The following MEST variants were observed in gnomAD, a reference collection of about 807,000 sequenced individuals.
MEST encodes the protein mesoderm specific transcript.
A neutral mutation model predicts 50.9 loss-of-function variants in MEST; 18 were observed. That is an observed-to-expected ratio of 0.35 (90% confidence interval 0.24 to 0.52). The LOEUF is 0.52. Ranked by LOEUF, MEST falls within the 20% of genes least tolerant of loss-of-function variation. The pLI is 0.94. For synonymous variants in MEST, 130 were observed against 154.1 expected (o/e 0.84, Z 1.16); for missense variants, 282 against 425.3 (o/e 0.66, Z 2.96).
chr7:130,503,667 C>T (rs1317648055), intron 10 of MEST, among the ~76,000 whole-genome samples: 1 of 151,974 alleles, frequency 6.6e-6, no homozygotes, highest in African/African-American at 2.4e-5. Flanking sequence ...TAAAAGTTAG[C>T]CAAGTGTGGT....
Position 130,500,359 on chromosome 7 carries a change from C to A in MEST, c.577-103C>A. ...TGCCAAGTACCAAACCATTCAGTAG[C>A]AGGAGATTTGGCTAAAGATTTAGTT... On this transcript the variant is annotated intron_variant, in intron 7 of 11. Transcript: ENST00000223215. The surrounding 1 kb of genome is among the most constrained non-coding windows in gnomAD (Gnocchi z 5.0). 1 of 960,588 alleles carries A rather than the reference C, an allele frequency of 1.0e-6. No individual in the cohort carries two copies. The highest frequency in any genetic ancestry group is 1.6e-6 in the Non-Finnish European group (1 of 638,382). The allele number at this position is 960,588 out of a possible 1,614,324, so 59.5% of individuals were successfully genotyped here. A position where few individuals can be genotyped will look rare whatever the true frequency, so the allele number is the denominator to read the frequency against.
At chr7:130,486,431 G>C (rs1798622417) in intron 1 of MEST, 1 of 152,396 alleles carries the variant, frequency 6.6e-6, no homozygotes, top group Non-Finnish European at 1.5e-5. Flanking sequence ...GAGCCTCCCC[G>C]TGCACCCTCG....
chr7:130,498,362 C>A, intron 5 of MEST, 57 bp from the exon 6 acceptor site: 1 of 1,609,686 alleles, frequency 6.2e-7, no homozygotes, highest in African/African-American at 1.3e-5. Context: ...TCGTTTTCAG[C>A]GGTGCACTGG....
At chr7:130,499,833 T>C (rs782766554) in intron 6 of MEST, 42 bp from the exon 7 acceptor site, 3 of 1,499,960 alleles carry the variant, frequency 2.0e-6, no homozygotes, top group Non-Finnish European at 1.8e-6. Context: ...AAAAAAAAAA[T>C]TAAAGCTGTA....
Position 130,500,815 on chromosome 7 carries a change from C to T in MEST, c.674C>T (p.Thr225Ile). Residue 225 changes from threonine (T) to isoleucine (I), a missense_variant, in exon 9 of 12, where the codon ACT (threonine) becomes ATT (isoleucine). Physicochemically the swap from Thr to Ile is moderately conservative, Grantham distance 89. Transcript: ENST00000223215. This position sits in a 1 kb window ranked among gnomAD's most constrained non-coding sequence, Gnocchi z 5.0. ...CTCACCCCAGTCTTTGGGCCGTATA[C>T]TCGGCCCTCTGAGAGTGAGCTGTGG... Reference protein sequence around the residue: ...RGLTPVFGPYTRPSESELWDM... With the variant: ...RGLTPVFGPYIRPSESELWDM... 6.2e-7 allele frequency: 1 copy of T among 1,613,700 alleles called. No individual in the cohort carries two copies. Among genetic ancestry groups the T allele is most frequent in the Non-Finnish European group, 8.5e-7 (1 of 1,179,820 alleles).
Position 130,492,162 on chromosome 7 carries a change from G to A in MEST, c.-152G>A, listed in dbSNP as rs146617166. On this transcript the variant is annotated 5_prime_UTR_variant, in exon 1 of 12. Transcript: ENST00000223215. This position sits in a 1 kb window ranked among gnomAD's most constrained non-coding sequence, Gnocchi z 7.6. ...CAAGCGCAGTGCCGCAGCGCACGCCGGAGTGGCTGTAGCTGCCCGGCGCGG... is the reference window on the plus strand; with the variant it reads ...CAAGCGCAGTGCCGCAGCGCACGCCAGAGTGGCTGTAGCTGCCCGGCGCGG... The A allele has an allele frequency of 2.2e-3, 917 of 424,296 alleles. 14 individuals are homozygous for A. The highest frequency in any genetic ancestry group is 0.018 in the African/African-American group (835 of 47,460). The allele number at this position is 424,296 out of a possible 1,614,324, so 26.3% of individuals were successfully genotyped here.
chr7:130,492,490 C>G lies in MEST; in HGVS notation c.26+151C>G. ...GGCACGCATTCCGCGCCCGCTCTGC[C>G]TACTTGAGGAGGGGGTGTCACTCCT... On this transcript the variant is annotated intron_variant, in intron 1 of 11. Transcript: ENST00000223215. This position sits in a 1 kb window ranked among gnomAD's most constrained non-coding sequence, Gnocchi z 7.6. The G allele has an allele frequency of 3.6e-6, 2 of 557,402 alleles. No homozygotes were observed. The highest frequency in any genetic ancestry group is 5.4e-6 in the Non-Finnish European group (2 of 372,462). 34.5% of individuals were successfully genotyped at this position (557,402 alleles called of 1,614,324 possible).
intron 2 of MEST, chr7:130,495,873 A>AT (rs1799037423): frequency 7.0e-6 from 2 of 285,590 alleles, no homozygotes; most frequent in Non-Finnish European, 1.3e-5. Flanking sequence ...CCCTGATTTC[A>AT]TTTTTTCTGT....
intron 11 of MEST, 123 bp downstream of exon 11, chr7:130,504,119 A>G: frequency 2.9e-6 from 2 of 698,482 alleles, no homozygotes; most frequent in Non-Finnish European, 5.0e-6. Flanking sequence ...CTGTTCATCC[A>G]GGAAACAATA....
At chr7:130,492,080 C>T (rs1349997710), upstream of MEST, 2 of 252,618 alleles carry the variant, frequency 7.9e-6, no homozygotes, top group Non-Finnish European at 1.5e-5. The surrounding 1 kb of genome is among the most constrained non-coding windows in gnomAD (Gnocchi z 7.6). Context: ...CCACTCGCTC[C>T]GCGCTGCCGC....
intron 2 of MEST, 124 bp downstream of exon 2, chr7:130,495,646 T>C (rs1799020367): frequency 1.9e-6 from 2 of 1,046,400 alleles, no homozygotes; most frequent in South Asian, 1.8e-5. Context: ...CTCTCTCTCT[T>C]TCTGTGTAGT....
chr7:130,493,854 T>C (rs1053085279), intron 1 of MEST, among the ~76,000 whole-genome samples: 1 of 152,192 alleles, frequency 6.6e-6, no homozygotes, highest in Admixed American at 6.5e-5. Flanking sequence ...CAAAACCTAA[T>C]GGTTTTTGTC....
At chr7:130,498,702 G>A in intron 6 of MEST, 1 of 597,614 alleles carries the variant, frequency 1.7e-6, no homozygotes, top group Non-Finnish European at 3.0e-6. Flanking sequence ...ACAAAGGATA[G>A]TGACTTTACT....
At position 130,492,695 on chromosome 7, in the gene MEST, C is replaced by T; in HGVS notation, c.26+356C>T. On this transcript the variant is annotated intron_variant, in intron 1 of 11. Transcript: ENST00000223215. This position sits in a 1 kb window ranked among gnomAD's most constrained non-coding sequence, Gnocchi z 7.6. Reference sequence around the variant, plus strand: ...GGGATTTTTAGATCCTGGCATCACCCTGGTGCGATTTAGGATTTTTATACT... The same window carrying T: ...GGGATTTTTAGATCCTGGCATCACCTTGGTGCGATTTAGGATTTTTATACT... 4.3e-6 allele frequency: 1 copy of T among 232,114 alleles called. No homozygotes were observed. Among genetic ancestry groups the T allele is most frequent in the Admixed American group, 5.7e-5 (1 of 17,602 alleles). 14.4% of individuals were successfully genotyped at this position (232,114 alleles called of 1,614,324 possible). A position where few individuals can be genotyped will look rare whatever the true frequency, so the allele number is the denominator to read the frequency against.
rs146505421 is a variant in MEST, at chr7:130,492,551, TG to T, written c.26+215del. On this transcript the variant is annotated intron_variant, in intron 1 of 11. Coordinates refer to ENST00000223215, the MANE Select transcript of MEST (RefSeq NM_002402.4). This position sits in a 1 kb window ranked among gnomAD's most constrained non-coding sequence, Gnocchi z 7.6. ...GAATGTTCAGAACGCGGGACCTCCT[TG>T]GGTTAGGATTTCTAGACCCCGGGAT... is the stretch of plus-strand genomic sequence containing the variant. 1,574 of 391,930 alleles carry T rather than the reference TG, an allele frequency of 4.0e-3. 20 individuals carry two copies. The highest frequency in any genetic ancestry group is 0.03 in the African/African-American group (1,460 of 48,308). The allele number at this position is 391,930 out of a possible 1,614,324, so 24.3% of individuals were successfully genotyped here.
chr7:130,492,201 G>T lies in MEST; in HGVS notation c.-113G>T. The stretch of plus-strand genomic sequence containing the variant: ...TGCCCGGCGCGGCGCCGCCCTGCGC[G>T]GGCTGTGGGCTGCGGGCTGCGCCCC... On this transcript the variant is annotated 5_prime_UTR_variant, in exon 1 of 12. Transcript: ENST00000223215. The surrounding 1 kb of genome is among the most constrained non-coding windows in gnomAD (Gnocchi z 7.6). The T allele has an allele frequency of 1.1e-6, 1 of 914,666 alleles. No homozygotes were observed. The highest frequency in any genetic ancestry group is 5.4e-5 in the South Asian group (1 of 18,598). 56.7% of individuals were successfully genotyped at this position (914,666 alleles called of 1,614,324 possible).
At chr7:130,490,772 T>G (rs1228790465), upstream of MEST, 2 of 152,276 alleles carry the variant, frequency 1.3e-5, no homozygotes, top group African/African-American at 4.8e-5. Flanking sequence ...TAGTGCCCTG[T>G]AGGTGCTAAA....
Position 130,497,263 on chromosome 7 carries a change from CTA to C in MEST, c.261+30_261+31del, listed in dbSNP as rs1554437274. 1 of 1,592,250 alleles carries C rather than the reference CTA, an allele frequency of 6.3e-7. No homozygotes were observed. Among genetic ancestry groups the C allele is most frequent in the African/African-American group, 1.4e-5 (1 of 73,948 alleles). On this transcript the variant is annotated intron_variant, in intron 3 of 11. Transcript: ENST00000223215. This position sits in a 1 kb window ranked among gnomAD's most constrained non-coding sequence, Gnocchi z 4.0. ...AATGAAGTCAGACTTCTACGTCCTA[CTA>C]TGTCTTAAAAAATCTCGGCCGGGCG...
chr7:130,497,082 A>C lies in MEST; in HGVS notation c.182-74A>C. 1.7e-6 allele frequency: 2 copies of C among 1,187,116 alleles called. No homozygotes were observed. Among genetic ancestry groups the C allele is most frequent in the Non-Finnish European group, 2.4e-6 (2 of 825,788 alleles). The allele number at this position is 1,187,116 out of a possible 1,614,324, so 73.5% of individuals were successfully genotyped here. On this transcript the variant is annotated intron_variant, in intron 2 of 11. Coordinates refer to ENST00000223215, the MANE Select transcript of MEST (RefSeq NM_002402.4). This position sits in a 1 kb window ranked among gnomAD's most constrained non-coding sequence, Gnocchi z 4.0. The stretch of plus-strand genomic sequence containing the variant: ...AGTTGCTTGTTCTTTGTATCAGATT[A>C]CTTAGATTTTAACATCTTCGAGGTT...
Sources: gnomAD v4.1 joint callset for allele counts (sites outside exome capture counted in the v4.1 genomes callset) on GRCh38, gnomAD v4.1.1 for gene constraint, Gnocchi (gnomAD v3.1) non-coding constraint, MANE v1.5 for transcripts, NCBI Gene and HGNC (gene_info 2026-07-23, HGNC 2026-07-21) for gene names.